The following PTPRD variants were observed in gnomAD, a reference collection of about 807,000 sequenced individuals.
The protein encoded by PTPRD is protein tyrosine phosphatase receptor type D, also known as receptor-type tyrosine-protein phosphatase delta.
Under a neutral mutation model 214.5 loss-of-function variants are expected in PTPRD, and 34 were observed. The ratio of observed to expected loss-of-function variants is 0.16; its 90% CI spans 0.12 to 0.21. PTPRD has a LOEUF of 0.21. PTPRD is among the 10% of genes least tolerant of loss of function. The pLI is 1.00. For synonymous variants in PTPRD, 1,128 were observed against 845.7 expected, an observed-to-expected ratio of 1.33 and a Z score of -5.79; for missense variants, 2,545 against 2,398.7, an observed-to-expected ratio of 1.06 and a Z score of -1.27.
At chr9:9,901,977 A>G (rs1233459229) in intron 5 of PTPRD, among the ~76,000 whole-genome samples, 3 of 152,214 alleles carry the variant, frequency 2.0e-5, no homozygotes, top group Admixed American at 6.5e-5. Context: ...TGTAATTTTC[A>G]TATTACATCT....
intron 5 of PTPRD, among the ~76,000 whole-genome samples, chr9:9,779,821 T>C (rs2154488872): frequency 6.6e-6 from 1 of 152,344 alleles, no homozygotes; most frequent in Middle Eastern, 3.4e-3. Context: ...TGTAAATTAG[T>C]TCAGCCACTT....
At chr9:8,901,816 T>C (rs2098671143) in intron 11 of PTPRD, among the ~76,000 whole-genome samples, 1 of 152,218 alleles carries the variant, frequency 6.6e-6, no homozygotes, top group African/African-American at 2.4e-5. Context: ...TAATTTCCTT[T>C]TGTTCTCTAA....
At chr9:9,763,428 T>C (rs753328713) in intron 6 of PTPRD, among the ~76,000 whole-genome samples, 29 of 151,132 alleles carry the variant, frequency 1.9e-4, no homozygotes, top group Middle Eastern at 3.4e-3. Flanking sequence ...GGTATTATAA[T>C]ATTATTTCAC....
At chr9:10,587,117 T>C (rs2074127204) in intron 2 of PTPRD, among the ~76,000 whole-genome samples, 1 of 151,894 alleles carries the variant, frequency 6.6e-6, no homozygotes, top group Non-Finnish European at 1.5e-5. Flanking sequence ...AGTGAAGTGG[T>C]GAAGGTGTAA....
intron 2 of PTPRD, among the ~76,000 whole-genome samples, chr9:10,344,461 A>G (rs1374705710): frequency 2.6e-5 from 4 of 152,042 alleles, no homozygotes; most frequent in Admixed American, 2.0e-4. Flanking sequence ...GTCAGGTAGC[A>G]TGATGCCTCC....
rs201946678 is a variant in PTPRD, at chr9:9,483,780, C to CTT, written c.-236-86300_-236-86299dup. ...AAACAAAGAAAGTAATGTCTTCTTT[C>CTT]TTTTTTTTTTTTTTTAAGTCATGCT... On this transcript the variant is annotated intron_variant, in intron 8 of 45. Coordinates refer to ENST00000381196, the MANE Select transcript of PTPRD (RefSeq NM_002839.4). Among the ~76,000 whole-genome samples the CTT allele has an allele frequency of 1.3e-3, 173 of 137,872 alleles. 1 individual carries two copies. The highest frequency in any genetic ancestry group is 4.2e-3 in the African/African-American group (158 of 37,928). The allele number at this position is 137,872 out of a possible 152,430, so 90.4% of individuals were successfully genotyped here. A position where few individuals can be genotyped will look rare whatever the true frequency, so the allele number is the denominator to read the frequency against.
At chr9:9,662,995 T>C (rs2154381203) in intron 7 of PTPRD, among the ~76,000 whole-genome samples, 2 of 151,754 alleles carry the variant, frequency 1.3e-5, no homozygotes, top group African/African-American at 4.8e-5. Context: ...CATAAGTTTA[T>C]TTAAATAATA....
intron 2 of PTPRD, among the ~76,000 whole-genome samples, chr9:10,579,660 G>GTTCTA (rs1442285847): frequency 6.6e-6 from 1 of 152,120 alleles, no homozygotes; most frequent in African/African-American, 2.4e-5. Flanking sequence ...TCAAATAATA[G>GTTCTA]TTCTAAGTTC....
intron 5 of PTPRD, among the ~76,000 whole-genome samples, chr9:9,804,163 A>T (rs2099059089): frequency 6.6e-6 from 1 of 152,122 alleles, no homozygotes; most frequent in Non-Finnish European, 1.5e-5. Flanking sequence ...TGCTATGTAT[A>T]CCCAGTCTCA....
intron 2 of PTPRD, among the ~76,000 whole-genome samples, chr9:10,501,977 C>A: frequency 6.6e-6 from 1 of 151,862 alleles, no homozygotes; most frequent in East Asian, 1.9e-4. Context: ...GTTTTTAAAG[C>A]TCCTCAGGAG....
intron 5 of PTPRD, among the ~76,000 whole-genome samples, chr9:9,774,105 G>C (rs191044573): frequency 6.6e-6 from 1 of 152,158 alleles, no homozygotes; most frequent in Non-Finnish European, 1.5e-5. Context: ...CTCAAAATGA[G>C]TTATACTGAC....
At chr9:9,126,330 C>T (rs577643391) in intron 10 of PTPRD, among the ~76,000 whole-genome samples, 10 of 152,224 alleles carry the variant, frequency 6.6e-5, no homozygotes, top group East Asian at 1.9e-4. Flanking sequence ...AGTTGCCAAC[C>T]GGTCAGAAGG....
rs372096310 is a variant in PTPRD, at chr9:8,527,040, C to CAT, written c.550+303_550+304dup. Among the ~76,000 whole-genome samples, 517 of 150,692 alleles carry CAT rather than the reference C, an allele frequency of 3.4e-3. 3 individuals are homozygous for CAT. Among genetic ancestry groups the CAT allele is most frequent in the South Asian group, 0.013 (60 of 4,770 alleles). Reference sequence around the variant, plus strand: ...CTATTTAAGTATATATATAGATATGCATATATATATATACTGTGATAGGAA... The same window carrying CAT: ...CTATTTAAGTATATATATAGATATGCATATATATATATATACTGTGATAGGAA... On this transcript the variant is annotated intron_variant, in intron 16 of 45. Transcript: ENST00000381196.
chr9:9,744,489 T>C (rs543766742), intron 6 of PTPRD, among the ~76,000 whole-genome samples: 13 of 152,212 alleles, frequency 8.5e-5, no homozygotes, highest in East Asian at 7.7e-4. Context: ...TACCTCAATT[T>C]AGTTCAAATA....
chr9:10,238,210 A>C (rs557778845), intron 3 of PTPRD, among the ~76,000 whole-genome samples: 3 of 151,560 alleles, frequency 2.0e-5, no homozygotes, highest in African/African-American at 7.2e-5. Context: ...CACTCAGGGC[A>C]CATAACGTTG....
chr9:9,678,845 G>T (rs1270612876), intron 7 of PTPRD, among the ~76,000 whole-genome samples: 1 of 151,746 alleles, frequency 6.6e-6, no homozygotes, highest in Non-Finnish European at 1.5e-5. Context: ...GATGATCAAG[G>T]GTAGTCAGAG....
intron 8 of PTPRD, among the ~76,000 whole-genome samples, chr9:9,438,921 C>T (rs1171288891): frequency 6.6e-6 from 1 of 152,086 alleles, no homozygotes; most frequent in Admixed American, 6.6e-5. Context: ...CGCTCTAGGA[C>T]AGCATTTAAA....
chr9:8,781,814 T>C (rs912605702), intron 11 of PTPRD, among the ~76,000 whole-genome samples: 4 of 152,182 alleles, frequency 2.6e-5, no homozygotes, highest in Admixed American at 2.6e-4. Context: ...GTCTTCTCTA[T>C]ATTTAAGGTC....
intron 3 of PTPRD, among the ~76,000 whole-genome samples, chr9:10,133,173 G>A: frequency 6.6e-6 from 1 of 152,240 alleles, no homozygotes; most frequent in African/African-American, 2.4e-5. Flanking sequence ...TGTATGGTGT[G>A]GGCAGATTTT....
Sources: allele counts gnomAD v4.1 joint callset (sites outside exome capture counted in the v4.1 genomes callset), GRCh38; gene constraint gnomAD v4.1.1; transcripts MANE v1.5; gene names NCBI Gene and HGNC (gene_info 2026-07-23, HGNC 2026-07-21).